SLC25A23: variants seen among roughly 807,000 people sequenced by gnomAD.
The protein encoded by SLC25A23 is mitochondrial adenyl nucleotide antiporter SLC25A23.
A neutral mutation model predicts 53.9 loss-of-function variants in SLC25A23; 32 were observed. The ratio of observed to expected loss-of-function variants is 0.59; its 90% CI spans 0.45 to 0.80. The LOEUF (loss-of-function observed/expected upper bound fraction) is 0.80, where lower values mean the gene tolerates loss of function less well. Ranked by LOEUF, SLC25A23 falls within the 30% of genes least tolerant of loss-of-function variation. The pLI is 0.00. For missense variants in SLC25A23, 575 were observed against 651.4 expected, an observed-to-expected ratio of 0.88 and a Z score of 1.28; for synonymous variants, 275 against 264.5, an observed-to-expected ratio of 1.04 and a Z score of -0.38.
intron 8 of SLC25A23, among the ~76,000 whole-genome samples, chr19:6,447,800 A>T (rs1265323674): frequency 6.6e-6 from 1 of 152,172 alleles, no homozygotes; most frequent in Admixed American, 6.6e-5. Context: ...CCTCCCAGGT[A>T]GCTGGGATTG....
chr19:6,449,510 G>A (rs1419498805), intron 8 of SLC25A23, among the ~76,000 whole-genome samples: 2 of 151,832 alleles, frequency 1.3e-5, no homozygotes, highest in Non-Finnish European at 2.9e-5. Context: ...CGCTTCCCAG[G>A]TTCATGCCAT....
chr19:6,437,642 T>C (rs966217266), downstream of SLC25A23, among the ~76,000 whole-genome samples: 3 of 151,942 alleles, frequency 2.0e-5, no homozygotes, highest in Admixed American at 6.6e-5. Flanking sequence ...ACCCCGTCTC[T>C]ACTAAAAATA....
intron 8 of SLC25A23, among the ~76,000 whole-genome samples, chr19:6,446,592 C>T (rs1256646491): frequency 6.6e-6 from 1 of 152,242 alleles, no homozygotes; most frequent in African/African-American, 2.4e-5. Context: ...CAGATGCAAC[C>T]TTCAAAAGAC....
intron 4 of SLC25A23, among the ~76,000 whole-genome samples, chr19:6,455,618 C>T (rs35459999): frequency 3.7e-4 from 56 of 152,168 alleles, no homozygotes; most frequent in African/African-American, 1.3e-3. Context: ...AGACACATTG[C>T]TCATAGACAT....
At chr19:6,449,841 A>C (rs1169811145) in intron 8 of SLC25A23, among the ~76,000 whole-genome samples, 2 of 138,614 alleles carry the variant, frequency 1.4e-5, no homozygotes, top group African/African-American at 5.8e-5. Flanking sequence ...GCCGCATCTT[A>C]TTTCTACTCA....
chr19:6,445,562 C>T (rs892398014), intron 8 of SLC25A23, among the ~76,000 whole-genome samples: 1 of 152,138 alleles, frequency 6.6e-6, no homozygotes, highest in Non-Finnish European at 1.5e-5. Context: ...TTCAAGGCAA[C>T]GAAACAGATT....
At chr19:6,457,372 T>A in intron 3 of SLC25A23, 131 bp downstream of exon 3, 1 of 789,668 alleles carries the variant, frequency 1.3e-6, no homozygotes, top group Non-Finnish European at 2.1e-6. Context: ...TGGCCAGATC[T>A]GTCTGACTTC....
chr19:6,456,333 C>T (rs946606511), intron 4 of SLC25A23, 87 bp downstream of exon 4: 20 of 1,349,874 alleles, frequency 1.5e-5, no homozygotes, highest in Non-Finnish European at 2.0e-5. Context: ...CCTGGTCCAG[C>T]CCATCCAAGC....
chr19:6,436,581 C>T, downstream of SLC25A23: 2 of 402,836 alleles, frequency 5.0e-6, no homozygotes, highest in Non-Finnish European at 1.0e-5. Flanking sequence ...CATAGTTTTG[C>T]TCTTGTTGCC....
At chr19:6,456,282 C>T in intron 4 of SLC25A23, 138 bp downstream of exon 4, 2 of 954,368 alleles carry the variant, frequency 2.1e-6, no homozygotes, top group Non-Finnish European at 3.1e-6. Context: ...AACAGACCCT[C>T]ATCCGTCAGC....
At chr19:6,455,707 G>GTTTTTTTT (rs529957147) in intron 4 of SLC25A23, among the ~76,000 whole-genome samples, 6 of 124,956 alleles carry the variant, frequency 4.8e-5, no homozygotes, top group African/African-American at 1.8e-4. Flanking sequence ...TGAAGACCGT[G>GTTTTTTTT]TTTTTTTTTT....
chr19:6,445,034 C>G (rs956060043), intron 8 of SLC25A23, among the ~76,000 whole-genome samples: 1 of 152,016 alleles, frequency 6.6e-6, no homozygotes, highest in Non-Finnish European at 1.5e-5. Context: ...AACTCCTGGG[C>G]TCAAGCGATC....
chr19:6,455,957 G>A (rs1386287325), intron 4 of SLC25A23: 2 of 1,194,632 alleles, frequency 1.7e-6, no homozygotes, highest in African/African-American at 1.6e-5. Flanking sequence ...CTGACCTCGT[G>A]ATCCGCCCAC....
chr19:6,439,374 G>A (rs1175602052), downstream of SLC25A23, among the ~76,000 whole-genome samples: 1 of 143,106 alleles, frequency 7.0e-6, no homozygotes, highest in African/African-American at 2.6e-5. Context: ...GGGCTGCAGA[G>A]TGAGATCCTA....
intron 8 of SLC25A23, among the ~76,000 whole-genome samples, chr19:6,445,543 A>G (rs1052198339): frequency 6.6e-5 from 10 of 152,330 alleles, no homozygotes; most frequent in African/African-American, 1.7e-4. Context: ...GGCGGCCTCT[A>G]GAAGCTTTTT....
chr19:6,456,328 T>G (rs10425567), intron 4 of SLC25A23, 92 bp downstream of exon 4: 9 of 1,305,162 alleles, frequency 6.9e-6, no homozygotes, highest in South Asian at 6.4e-5. Context: ...AAAGTCCTGG[T>G]CCAGCCCATC....
downstream of SLC25A23, among the ~76,000 whole-genome samples, chr19:6,439,397 TCTCACACA>T (rs1410437594): frequency 1.8e-4 from 19 of 104,232 alleles, no homozygotes; most frequent in African/African-American, 6.4e-4. Context: ...TCTCTCTCTC[TCTCACACA>T]CACACACACA....
chr19:6,442,071 CCCCCGGTAGAGGCCCCGCATG>C lies in SLC25A23; in HGVS notation c.1290_1310del (p.Met431_Gly437del). ...TAACCTTCATGAAGTTGGGGGCGATCCCCCGGTAGAGGCCCCGCATGCCCTCCTGGGACAGGATGTGACGTA... is the reference window on the plus strand; with the variant it reads ...TAACCTTCATGAAGTTGGGGGCGATCCCCTCCTGGGACAGGATGTGACGTA... On this transcript the variant is annotated inframe_deletion, in exon 10 of 10. Coordinates refer to ENST00000301454, the MANE Select transcript of SLC25A23 (RefSeq NM_024103.3). The C allele has an allele frequency of 6.2e-7, 1 of 1,613,280 alleles. No homozygotes were observed. The highest frequency in any genetic ancestry group is 8.5e-7 in the Non-Finnish European group (1 of 1,179,654).
Position 6,454,295 on chromosome 19 carries a change from GC to G in SLC25A23, c.795+27del, listed in dbSNP as rs1450569410. On this transcript the variant is annotated intron_variant, in intron 6 of 9. Transcript: ENST00000301454. The surrounding 1 kb of genome is among the most constrained non-coding windows in gnomAD (Gnocchi z 4.3). ...TACAGCCCAGTCTTCCCTATGGCAA[GC>G]ACATTCCTCCCTGTACCTGCCCTCA... The G allele has an allele frequency of 2.5e-6, 4 of 1,603,130 alleles. No homozygotes were observed. The highest frequency in any genetic ancestry group is 1.7e-5 in the Admixed American group (1 of 59,066).
Sources: allele counts gnomAD v4.1 joint callset (sites outside exome capture counted in the v4.1 genomes callset), GRCh38; gene constraint gnomAD v4.1.1; non-coding constraint Gnocchi (gnomAD v3.1); transcripts MANE v1.5; gene names NCBI Gene and HGNC (gene_info 2026-07-23, HGNC 2026-07-21).